Variants in GPC5 observed in about 807,000 individuals in gnomAD.
GPC5 encodes the protein glypican 5.
A neutral mutation model predicts 53.9 loss-of-function variants in GPC5; 47 were observed. The ratio of observed to expected loss-of-function variants is 0.87; its 90% CI spans 0.69 to 1.11. The LOEUF is 1.11. Ranked by LOEUF, GPC5 falls within the 50% of genes most tolerant of loss-of-function variation. The probability of loss-of-function intolerance (pLI) is 0.00; values close to 1 mark genes in which losing one functional copy is unlikely to be tolerated. For missense variants in GPC5, 748 were observed against 713.1 expected, an observed-to-expected ratio of 1.05 and a Z score of -0.56; for synonymous variants, 286 against 263.3, an observed-to-expected ratio of 1.09 and a Z score of -0.84.
intron 6 of GPC5, among the ~76,000 whole-genome samples, chr13:92,144,570 T>A (rs369713677): frequency 6.6e-6 from 1 of 152,304 alleles, no homozygotes; most frequent in African/African-American, 2.4e-5. Flanking sequence ...AAAGAAGGTG[T>A]AATTTCATTT....
At chr13:91,891,588 T>C (rs2039387196) in intron 5 of GPC5, among the ~76,000 whole-genome samples, 1 of 152,114 alleles carries the variant, frequency 6.6e-6, no homozygotes, top group Non-Finnish European at 1.5e-5. Context: ...AACAAATATT[T>C]CCACCTTTGT....
chr13:92,010,315 T>G (rs901753835), intron 6 of GPC5, among the ~76,000 whole-genome samples: 13 of 152,328 alleles, frequency 8.5e-5, no homozygotes, highest in African/African-American at 2.9e-4. Context: ...GGGTTTTTGC[T>G]CGTTTTATTT....
At chr13:92,034,513 A>T (rs1012577753) in intron 6 of GPC5, among the ~76,000 whole-genome samples, 2 of 152,276 alleles carry the variant, frequency 1.3e-5, no homozygotes, top group Non-Finnish European at 2.9e-5. Flanking sequence ...TAAAATTTAA[A>T]AAAAGGAAAG....
At chr13:91,478,744 T>C (rs1394988783) in intron 2 of GPC5, among the ~76,000 whole-genome samples, 2 of 145,988 alleles carry the variant, frequency 1.4e-5, no homozygotes, top group African/African-American at 5.0e-5. Context: ...CAGATCATGT[T>C]TGCTCACTAG....
Position 92,836,798 on chromosome 13 carries a change from T to G in GPC5, c.1562-29484T>G, listed in dbSNP as rs1014872189. Reference sequence around the variant, plus strand: ...CACCTGGATGCTCAAATGAAAGAAATAAAGTCTGTATGAGAAAATGGAAAT... The same window carrying G: ...CACCTGGATGCTCAAATGAAAGAAAGAAAGTCTGTATGAGAAAATGGAAAT... On this transcript the variant is annotated intron_variant, in intron 7 of 7. Transcript: ENST00000377067. 2.6e-5 allele frequency among the ~76,000 whole-genome samples: 4 copies of G among 152,088 alleles called. 1 individual carries two copies.
intron 5 of GPC5, among the ~76,000 whole-genome samples, chr13:91,828,753 A>G (rs929925434): frequency 6.6e-5 from 10 of 152,070 alleles, no homozygotes; most frequent in African/African-American, 2.2e-4. Context: ...GAAGATCATA[A>G]TGTGCTTAAT....
chr13:92,309,407 A>G (rs2043131631), intron 7 of GPC5, among the ~76,000 whole-genome samples: 1 of 152,036 alleles, frequency 6.6e-6, no homozygotes, highest in Non-Finnish European at 1.5e-5. Flanking sequence ...CATATGGATT[A>G]TTGTGTTATT....
intron 7 of GPC5, among the ~76,000 whole-genome samples, chr13:92,417,938 A>G (rs1269608375): frequency 1.3e-5 from 2 of 152,228 alleles, no homozygotes; most frequent in African/African-American, 4.8e-5. Context: ...ATGTCTAAAC[A>G]AAATGTAATA....
intron 6 of GPC5, among the ~76,000 whole-genome samples, chr13:91,932,243 C>T (rs1248797573): frequency 1.3e-5 from 2 of 152,012 alleles, no homozygotes; most frequent in Non-Finnish European, 2.9e-5. Flanking sequence ...ATTTGGGTCT[C>T]TCCGTGACTT....
At chr13:92,123,456 C>G (rs2041667834) in intron 6 of GPC5, among the ~76,000 whole-genome samples, 2 of 152,100 alleles carry the variant, frequency 1.3e-5, no homozygotes, top group Admixed American at 1.3e-4. Flanking sequence ...GGGAATTGAA[C>G]TTTCTTCTCA....
chr13:92,263,851 T>C (rs2042782727), intron 7 of GPC5, among the ~76,000 whole-genome samples: 1 of 152,176 alleles, frequency 6.6e-6, no homozygotes, highest in African/African-American at 2.4e-5. Context: ...ACTGGGTTTT[T>C]CCCTGGAAAT....
chr13:91,699,701 C>T (rs1234050864), intron 3 of GPC5, among the ~76,000 whole-genome samples: 2 of 152,134 alleles, frequency 1.3e-5, no homozygotes, highest in Non-Finnish European at 2.9e-5. Flanking sequence ...AGTGGGCTGA[C>T]TTTGATTTAT....
chr13:92,238,422 A>T (rs145582149), intron 7 of GPC5, among the ~76,000 whole-genome samples: 1 of 152,042 alleles, frequency 6.6e-6, no homozygotes, highest in South Asian at 2.1e-4. Context: ...TGGTTTCTCA[A>T]TGTGGCTCTG....
At chr13:91,759,114 A>G (rs1325222480) in intron 5 of GPC5, among the ~76,000 whole-genome samples, 1 of 152,162 alleles carries the variant, frequency 6.6e-6, no homozygotes, top group Non-Finnish European at 1.5e-5. Context: ...TGCCCCAAGT[A>G]AGTTGATTGG....
At chr13:92,711,371 A>T (rs1888135435) in intron 7 of GPC5, among the ~76,000 whole-genome samples, 1 of 152,144 alleles carries the variant, frequency 6.6e-6, no homozygotes, top group East Asian at 1.9e-4. Context: ...TGGTACACTA[A>T]AGTGTTGTTT....
chr13:92,608,327 C>G (rs193203974), intron 7 of GPC5, among the ~76,000 whole-genome samples: 1 of 152,286 alleles, frequency 6.6e-6, no homozygotes, highest in African/African-American at 2.4e-5. Context: ...CTTTACTTAT[C>G]TAAAAGCACT....
intron 3 of GPC5, among the ~76,000 whole-genome samples, chr13:91,701,091 T>C (rs930772071): frequency 6.6e-6 from 1 of 152,182 alleles, no homozygotes; most frequent in African/African-American, 2.4e-5. Flanking sequence ...TTAACTACCT[T>C]TTAATTGTCA....
chr13:91,934,295 G>T (rs2039849701), intron 6 of GPC5, among the ~76,000 whole-genome samples: 1 of 151,878 alleles, frequency 6.6e-6, no homozygotes, highest in Non-Finnish European at 1.5e-5. Flanking sequence ...CCTTGCTTAG[G>T]TATCAGAAGT....
intron 7 of GPC5, among the ~76,000 whole-genome samples, chr13:92,833,320 A>G (rs1878114635): frequency 6.6e-6 from 1 of 152,276 alleles, no homozygotes; most frequent in African/African-American, 2.4e-5. Flanking sequence ...GAAGTTAAAC[A>G]ATATGCAAGA....
Sources: gnomAD v4.1 joint callset for allele counts (sites outside exome capture counted in the v4.1 genomes callset) on GRCh38, gnomAD v4.1.1 for gene constraint, MANE v1.5 for transcripts, NCBI Gene and HGNC (gene_info 2026-07-23, HGNC 2026-07-21) for gene names.